SCD: variants seen among roughly 807,000 people sequenced by gnomAD.
The protein encoded by SCD is acyl-CoA desaturase.
SCD carries 4 observed loss-of-function variants against 35.7 expected under a neutral mutation model. That is an observed-to-expected ratio of 0.11 (90% confidence interval 0.06 to 0.26). The LOEUF is 0.26. Ranked by LOEUF, SCD falls within the 10% of genes least tolerant of loss-of-function variation. The probability of loss-of-function intolerance (pLI) is 1.00; values close to 1 mark genes in which losing one functional copy is unlikely to be tolerated. For synonymous variants in SCD, 150 were observed against 170.2 expected (o/e 0.88, Z 0.92); for missense variants, 282 against 460.7 (o/e 0.61, Z 3.55).
At position 100,358,318 on chromosome 10, in the gene SCD, A is replaced by G. The variant is rs539428091; in HGVS notation, c.880+1554A>G. Reference sequence around the variant, plus strand: ...TGCGCCTGGCCTACTATGTTTATTAAAAGGATTTATTGCCTGTAATCCCAG... The same window carrying G: ...TGCGCCTGGCCTACTATGTTTATTAGAAGGATTTATTGCCTGTAATCCCAG... On this transcript the variant is annotated intron_variant, in intron 5 of 5. Coordinates refer to ENST00000370355, the MANE Select transcript of SCD (RefSeq NM_005063.5). Among the ~76,000 whole-genome samples, 4 of 152,192 alleles carry G rather than the reference A, an allele frequency of 2.6e-5. No individual in the cohort carries two copies. In the East Asian group the frequency reaches 5.8e-4, roughly 22 times the overall value.
rs1239807189 is a variant in SCD, at chr10:100,363,849, GC to G, written c.*2917del. ...TAACAGTCCTTGCTTTGGGGGGTGTGCTGACAACTTAGCTCAGGTGCCTTAC... is the reference window on the plus strand; with the variant it reads ...TAACAGTCCTTGCTTTGGGGGGTGTGTGACAACTTAGCTCAGGTGCCTTAC... On this transcript the variant is annotated 3_prime_UTR_variant, in exon 6 of 6. Transcript: ENST00000370355. The G allele has an allele frequency of 6.6e-6, 1 of 152,636 alleles. No individual in the cohort carries two copies. The highest frequency in any genetic ancestry group is 1.5e-5 in the Non-Finnish European group (1 of 68,076). The allele number at this position is 152,636 out of a possible 1,614,324, so 9.5% of individuals were successfully genotyped here. A position where few individuals can be genotyped will look rare whatever the true frequency, so the allele number is the denominator to read the frequency against.
intron 2 of SCD, among the ~76,000 whole-genome samples, chr10:100,351,276 G>A (rs1849869453): frequency 6.6e-6 from 1 of 152,174 alleles, no homozygotes; most frequent in Non-Finnish European, 1.5e-5. Context: ...CTCCAGGAAG[G>A]TGAGGGAAGA....
chr10:100,359,243 C>T (rs55710213), intron 5 of SCD, among the ~76,000 whole-genome samples: 49,316 of 151,808 alleles, frequency 0.32, 8,563 homozygotes, highest in Non-Finnish European at 0.37. Flanking sequence ...CCCTTATCAC[C>T]TCACCCTTTG....
chr10:100,356,736 G>T lies in SCD; in HGVS notation c.852G>T (p.Glu284Asp). 1 of 1,614,218 alleles carries T rather than the reference G, an allele frequency of 6.2e-7. No homozygotes were observed. The highest frequency in any genetic ancestry group is 8.5e-7 in the Non-Finnish European group (1 of 1,180,036). Reference protein sequence around the residue: ...RPYDKNISPRENILVSLGAVG... With the variant: ...RPYDKNISPRDNILVSLGAVG... Reference sequence around the variant, plus strand: ...ATGACAAGAACATTAGCCCCCGGGAGAATATCCTGGTTTCACTTGGAGCTG... The same window carrying T: ...ATGACAAGAACATTAGCCCCCGGGATAATATCCTGGTTTCACTTGGAGCTG... Residue 284 changes from glutamate to aspartate, a missense_variant, in exon 5 of 6, where the codon GAG becomes GAT. This residue lies in a region of SCD where 205 missense variants were observed against 372.3 expected (regional missense o/e 0.55). Transcript: ENST00000370355. This position sits in a 1 kb window ranked among gnomAD's most constrained non-coding sequence, Gnocchi z 4.1.
Position 100,348,336 on chromosome 10 carries a change from C to T in SCD, c.300C>T (p.Thr100=), listed in dbSNP as rs779273728. 4 of 1,613,610 alleles carry T rather than the reference C, an allele frequency of 2.5e-6. No individual in the cohort carries two copies. The African/African-American group carries it at 4.0e-5, about 16-fold the overall frequency. ...TGATTCCTACCTGCAAGTTCTACAC[C>T]TGGCTTTGGGGTAAGCAGCCTCCCT... is the stretch of plus-strand genomic sequence containing the variant. The part of the protein sequence containing the change: ...ITLIPTCKFY[T]WLWGVFYYFV... The change falls in exon 2 of 6, where the codon ACC becomes ACT. Residue 100 remains threonine (T), a synonymous_variant. Transcript: ENST00000370355.
rs117211150 is a variant in SCD at position 100,364,525 on chromosome 10, C to T, written c.*3592C>T. ...ATGTCCACCATGAACTTGATACGTC[C>T]GTGTGTCCCAGATGCTGTCATTAGT... On this transcript the variant is annotated 3_prime_UTR_variant, in exon 6 of 6. Transcript: ENST00000370355. 2 of 152,532 alleles carry T rather than the reference C, an allele frequency of 1.3e-5. No homozygotes were observed. Among genetic ancestry groups the T allele is most frequent in the Non-Finnish European group, 2.9e-5 (2 of 68,018 alleles). The allele number at this position is 152,532 out of a possible 1,614,324, so 9.4% of individuals were successfully genotyped here. A position where few individuals can be genotyped will look rare whatever the true frequency, so the allele number is the denominator to read the frequency against.
chr10:100,350,917 C>CTGA (rs1849864767), intron 2 of SCD, among the ~76,000 whole-genome samples: 1 of 152,126 alleles, frequency 6.6e-6, no homozygotes, highest in Admixed American at 6.6e-5. Context: ...CTTGTTGGGG[C>CTGA]TGACTGGCTC....
intron 5 of SCD, among the ~76,000 whole-genome samples, chr10:100,358,309 T>C (rs1849950679): frequency 6.6e-6 from 1 of 152,046 alleles, no homozygotes; most frequent in Non-Finnish European, 1.5e-5. Context: ...TGGCCTACTA[T>C]GTTTATTAAA....
At chr10:100,351,201 T>C (rs1013511291) in intron 2 of SCD, among the ~76,000 whole-genome samples, 1 of 152,154 alleles carries the variant, frequency 6.6e-6, no homozygotes, top group East Asian at 1.9e-4. Flanking sequence ...GAGGAAGATA[T>C]GGGGACGCCC....
chr10:100,353,964 C>G (rs1478060090), intron 3 of SCD, among the ~76,000 whole-genome samples: 2 of 152,226 alleles, frequency 1.3e-5, no homozygotes, highest in African/African-American at 4.8e-5. Context: ...TGTATGAGCT[C>G]TTTTGCAAGG....
chr10:100,347,752 G>T, intron 1 of SCD, among the ~76,000 whole-genome samples: 1 of 152,204 alleles, frequency 6.6e-6, no homozygotes, highest in South Asian at 2.1e-4. Context: ...CGGTCGTGCT[G>T]GTGCTTTTAT....
intron 4 of SCD, among the ~76,000 whole-genome samples, chr10:100,355,554 C>T (rs1012133369): frequency 8.5e-5 from 13 of 152,118 alleles, no homozygotes; most frequent in Non-Finnish European, 1.6e-4. Flanking sequence ...TTTTGAACTG[C>T]AATGTGGCAT....
intron 5 of SCD, among the ~76,000 whole-genome samples, chr10:100,359,925 A>T (rs1266154315): frequency 6.6e-6 from 1 of 152,218 alleles, no homozygotes; most frequent in Non-Finnish European, 1.5e-5. Flanking sequence ...TCCTCCCTCC[A>T]GCAAAGTGAA....
At position 100,352,990 on chromosome 10, in the gene SCD, A is replaced by AT. The variant is rs1849887117; in HGVS notation, c.441+494_441+495insT. 6.6e-6 allele frequency among the ~76,000 whole-genome samples: 1 copy of AT among 151,850 alleles called. No individual in the cohort carries two copies. The highest frequency in any genetic ancestry group is 6.6e-5 in the Admixed American group (1 of 15,252). On this transcript the variant is annotated intron_variant, in intron 3 of 5. Coordinates refer to ENST00000370355, the MANE Select transcript of SCD (RefSeq NM_005063.5). The surrounding 1 kb of genome is among the most constrained non-coding windows in gnomAD (Gnocchi z 4.2). ...GTGACAAGACCCCAACTTTAAAAAA[A>AT]AAATTTCAAAAGTGAATAACTTAGG...
At chr10:100,347,967 A>T in intron 1 of SCD, 97 bp from the exon 2 acceptor site, 1 of 1,262,622 alleles carries the variant, frequency 7.9e-7, no homozygotes, top group Non-Finnish European at 1.1e-6. Context: ...AAGGGTCCGT[A>T]CTGTCCACCC....
At chr10:100,353,582 C>CAAA (rs35108206) in intron 3 of SCD, among the ~76,000 whole-genome samples, 77 of 106,434 alleles carry the variant, frequency 7.2e-4, no homozygotes, top group African/African-American at 2.2e-3. Context: ...GACTCCATCT[C>CAAA]AAAAAAAAAA....
chr10:100,353,478 G>A (rs1849892594), intron 3 of SCD, among the ~76,000 whole-genome samples: 1 of 152,058 alleles, frequency 6.6e-6, no homozygotes, highest in East Asian at 1.9e-4. Flanking sequence ...CCAGCTACGT[G>A]GGAGGCTGAG....
rs141381265 is a variant in SCD at position 100,363,623 on chromosome 10, C to A, written c.*2690C>A. 6.6e-6 allele frequency: 1 copy of A among 152,232 alleles called. No individual in the cohort carries two copies. The highest frequency in any genetic ancestry group is 1.5e-5 in the Non-Finnish European group (1 of 68,042). The allele number at this position is 152,232 out of a possible 1,614,324, so 9.4% of individuals were successfully genotyped here. A position where few individuals can be genotyped will look rare whatever the true frequency, so the allele number is the denominator to read the frequency against. ...AACTTTCACTTCTTCCTATTGTAAT[C>A]GTGTGCCATGGATCTGATCTGTACC... On this transcript the variant is annotated 3_prime_UTR_variant, in exon 6 of 6. Coordinates refer to ENST00000370355, the MANE Select transcript of SCD (RefSeq NM_005063.5).
Position 100,356,605 on chromosome 10 carries a change from A to G in SCD, c.721A>G (p.Thr241Ala), listed in dbSNP as rs1423571223. The change falls in exon 5 of 6, where the codon ACT (threonine) becomes GCT (alanine). Residue 241 changes from threonine (T) to alanine (A), a missense_variant. This residue lies in a region of SCD where 205 missense variants were observed against 372.3 expected (regional missense o/e 0.55). Coordinates refer to ENST00000370355, the MANE Select transcript of SCD (RefSeq NM_005063.5). This position sits in a 1 kb window ranked among gnomAD's most constrained non-coding sequence, Gnocchi z 4.1. Reference sequence around the variant, plus strand: ...TGTGCCCTGGTATTTCTGGGGTGAAACTTTTCAAAACAGTGTGTTCGTTGC... The same window carrying G: ...TGTGCCCTGGTATTTCTGGGGTGAAGCTTTTCAAAACAGTGTGTTCGTTGC... The part of the protein sequence containing the change: ...TLVPWYFWGE[T>A]FQNSVFVATF... 6.2e-6 allele frequency: 10 copies of G among 1,613,960 alleles called. No individual in the cohort carries two copies. The highest frequency in any genetic ancestry group is 8.5e-6 in the Non-Finnish European group (10 of 1,180,016).
Sources: allele counts gnomAD v4.1 joint callset (sites outside exome capture counted in the v4.1 genomes callset), GRCh38; gene constraint gnomAD v4.1.1; regional missense constraint gnomAD v4.1.1; non-coding constraint Gnocchi (gnomAD v3.1); transcripts MANE v1.5; gene names NCBI Gene and HGNC (gene_info 2026-07-23, HGNC 2026-07-21).